ARL10: variants seen among roughly 807,000 people sequenced by gnomAD.
ARL10 encodes ADP-ribosylation factor-like protein 10.
Under a neutral mutation model 26.1 loss-of-function variants are expected in ARL10, and 23 were observed. That is an observed-to-expected ratio of 0.88 (90% CI 0.63 to 1.25). The LOEUF is 1.25. Among genes scored for constraint, ARL10 ranks in the 50% most tolerant of loss-of-function variants. ARL10 has a pLI of 0.00. For synonymous variants in ARL10, 138 were observed against 149.1 expected (o/e 0.93, Z 0.54); for missense variants, 300 against 323.6 (o/e 0.93, Z 0.56).
chr5:176,384,273 G>C (rs765792065), downstream of ARL10: 46 of 1,614,128 alleles, frequency 2.8e-5, 1 homozygote, highest in South Asian at 4.9e-4. Flanking sequence ...AATCGAGGAA[G>C]TCTTGCCACT....
downstream of ARL10, among the ~76,000 whole-genome samples, chr5:176,383,415 C>T (rs1021033375): frequency 3.9e-5 from 6 of 152,222 alleles, no homozygotes; most frequent in South Asian, 2.1e-4. Flanking sequence ...CTCATGCCAC[C>T]GAATCAGGCA....
chr5:176,384,668 G>A (rs1009345456), downstream of ARL10: 7 of 436,472 alleles, frequency 1.6e-5, no homozygotes, highest in East Asian at 2.9e-4. Flanking sequence ...TACTTGGGAG[G>A]CCGAGGCAGG....
intron 2 of ARL10, chr5:176,367,901 T>C (rs770806906): frequency 1.9e-6 from 1 of 529,546 alleles, no homozygotes; most frequent in South Asian, 1.4e-5. Flanking sequence ...AGGGAGCTCC[T>C]TGGTGCAGGG....
downstream of ARL10, chr5:176,386,124 C>T (rs1359748400): frequency 1.3e-5 from 2 of 154,446 alleles, no homozygotes; most frequent in African/African-American, 2.4e-5. Flanking sequence ...ATATCCTTTA[C>T]TGAACAGTGC....
In ARL10 at chr5:176,394,589, G is replaced by A. The variant is rs540627837; in HGVS notation, c.134-7152G>A. Among the ~76,000 whole-genome samples the A allele has an allele frequency of 1.7e-4, 26 of 149,362 alleles. No individual in the cohort carries two copies. In the East Asian group the frequency reaches 2.5e-3, roughly 14 times the overall value. On this transcript the variant is annotated intron_variant, in intron 1 of 1. Coordinates refer to the ARL10 transcript ENST00000514533. ...TCCCAGCACTTTGGGAGGCCAAGGT[G>A]GGCGGATCACGAGGTCAGATGGAGA...
chr5:176,404,420 C>T (rs1036512197), downstream of ARL10, among the ~76,000 whole-genome samples: 2 of 152,202 alleles, frequency 1.3e-5, no homozygotes, highest in African/African-American at 2.4e-5. Context: ...GGCAGCGGAG[C>T]GGAGCCTCTA....
chr5:176,391,948 C>G (rs146728358), downstream of ARL10, among the ~76,000 whole-genome samples: 12 of 152,316 alleles, frequency 7.9e-5, no homozygotes, highest in African/African-American at 2.9e-4. Context: ...AAACATCATG[C>G]AGGTCATGAA....
intron 2 of ARL10, among the ~76,000 whole-genome samples, chr5:176,367,005 T>C (rs1319269080): frequency 7.1e-6 from 1 of 140,620 alleles, no homozygotes; most frequent in Non-Finnish European, 1.5e-5. Context: ...TTCTAGTCTT[T>C]TTTTTTTTTT....
downstream of ARL10, chr5:176,386,398 G>A: frequency 8.1e-6 from 2 of 246,106 alleles, no homozygotes; most frequent in South Asian, 1.0e-4. Context: ...AAGAATTCTA[G>A]AGTATTCCCA....
At chr5:176,388,867 G>C (rs1470690152), downstream of ARL10, 1 of 1,614,108 alleles carries the variant, frequency 6.2e-7, no homozygotes, top group East Asian at 2.2e-5. Flanking sequence ...TTGAACCATC[G>C]AAGCCTCCAG....
intron 3 of ARL10, chr5:176,369,222 G>C (rs935143996): frequency 2.0e-6 from 3 of 1,496,398 alleles, no homozygotes; most frequent in Non-Finnish European, 2.7e-6. Flanking sequence ...TATATGCCAG[G>C]CATGGTGTTT....
chr5:176,368,726 G>A lies in ARL10; in HGVS notation c.386-81G>A, dbSNP rs1445724691. On this transcript the variant is annotated intron_variant, in intron 2 of 3. Transcript: ENST00000310389. This position sits in a 1 kb window ranked among gnomAD's most constrained non-coding sequence, Gnocchi z 4.1. ...GGGGTGGGGGCTGTGGGCAGTGAGCGGGGGCCCGGGGTGGGGTGGGGGCTG... is the reference window on the plus strand; with the variant it reads ...GGGGTGGGGGCTGTGGGCAGTGAGCAGGGGCCCGGGGTGGGGTGGGGGCTG... 24 of 1,442,456 alleles carry A rather than the reference G, an allele frequency of 1.7e-5. No individual in the cohort carries two copies. The Admixed American group carries it at 1.7e-4, about 10-fold the overall frequency. The allele number at this position is 1,442,456 out of a possible 1,614,324, so 89.4% of individuals were successfully genotyped here.
downstream of ARL10, among the ~76,000 whole-genome samples, chr5:176,391,259 TG>T: frequency 6.6e-6 from 1 of 152,134 alleles, no homozygotes; most frequent in East Asian, 1.9e-4. Flanking sequence ...GACCACTGTT[TG>T]TAAGTGTTGG....
At chr5:176,397,169 C>G (rs1756563030) in intron 1 of ARL10, among the ~76,000 whole-genome samples, 1 of 152,156 alleles carries the variant, frequency 6.6e-6, no homozygotes, top group Non-Finnish European at 1.5e-5. Flanking sequence ...TACCCCAGAG[C>G]CTGGCATGCA....
intron 1 of ARL10, among the ~76,000 whole-genome samples, chr5:176,366,103 G>T (rs1425127351): frequency 6.6e-6 from 1 of 152,188 alleles, no homozygotes; most frequent in Non-Finnish European, 1.5e-5. Context: ...CACCCCGCCC[G>T]GGGGTGGGGA....
downstream of ARL10, among the ~76,000 whole-genome samples, chr5:176,391,457 C>T (rs1445419819): frequency 6.6e-6 from 1 of 152,126 alleles, no homozygotes; most frequent in Non-Finnish European, 1.5e-5. Flanking sequence ...ACTAAAAATA[C>T]AAAGATTAGC....
At position 176,365,714 on chromosome 5, in the gene ARL10, G is replaced by A; in HGVS notation, c.151G>A (p.Ala51Thr). 1 of 1,239,032 alleles carries A rather than the reference G, an allele frequency of 8.1e-7. No homozygotes were observed. 76.8% of individuals were successfully genotyped at this position (1,239,032 alleles called of 1,614,324 possible). Residue 51 changes from alanine (A) to threonine (T), a missense_variant, in exon 1 of 4, where the codon GCT becomes ACT. Ala to Thr is a moderately conservative substitution (Grantham distance 58). Coordinates refer to ENST00000310389, the MANE Select transcript of ARL10 (RefSeq NM_173664.6). The stretch of plus-strand genomic sequence containing the variant: ...GGGAGAGGCCTGGTGGGGCGCGGAG[G>A]CTGCCCGCCTCCCCGAGTGGGACGA... Reference protein sequence around the residue: ...DRGEAWWGAEAARLPEWDEWD... With the variant: ...DRGEAWWGAETARLPEWDEWD...
In ARL10 at chr5:176,394,751, G is replaced by C. The variant is rs550814307; in HGVS notation, c.134-6990G>C. Among the ~76,000 whole-genome samples the C allele has an allele frequency of 1.2e-3, 181 of 152,142 alleles. 1 individual carries two copies. Among genetic ancestry groups the C allele is most frequent in the African/African-American group, 4.2e-3 (176 of 41,478 alleles). Reference sequence around the variant, plus strand: ...AATTGCTTGAGCCCAGGAGGCGGAGGTTGCAGTGAGCTGAGATCATGCCAC... The same window carrying C: ...AATTGCTTGAGCCCAGGAGGCGGAGCTTGCAGTGAGCTGAGATCATGCCAC... On this transcript the variant is annotated intron_variant, in intron 1 of 1. Coordinates refer to the ARL10 transcript ENST00000514533.
rs1274651830 is a variant in ARL10 at position 176,372,753 on chromosome 5, C to T, written c.*858C>T. 7.6e-6 allele frequency: 3 copies of T among 396,820 alleles called. No individual in the cohort carries two copies. Among genetic ancestry groups the T allele is most frequent in the African/African-American group, 6.2e-5 (3 of 48,592 alleles). The allele number at this position is 396,820 out of a possible 1,614,324, so 24.6% of individuals were successfully genotyped here. A position where few individuals can be genotyped will look rare whatever the true frequency, so the allele number is the denominator to read the frequency against. On this transcript the variant is annotated 3_prime_UTR_variant, in exon 4 of 4. Transcript: ENST00000310389. ...AAGGAAGGAGCCTGTGTCCCTGGGA[C>T]GACAGTCAACTGGAGCTAGGTGTTG...
Sources: allele counts gnomAD v4.1 joint callset (sites outside exome capture counted in the v4.1 genomes callset), GRCh38; gene constraint gnomAD v4.1.1; non-coding constraint Gnocchi (gnomAD v3.1); transcripts MANE v1.5; gene names NCBI Gene and HGNC (gene_info 2026-07-23, HGNC 2026-07-21).